The following LRTM3 variants were observed in gnomAD, a reference collection of about 807,000 sequenced individuals.
The protein encoded by LRTM3 is leucine rich repeat transmembrane protein 3, also known as leucine-rich repeat transmembrane protein 3.
chr13:102,752,294 A>G, the LRTM3 span, among the ~76,000 whole-genome samples: 1 of 152,152 alleles, frequency 6.6e-6, no homozygotes, highest in Non-Finnish European at 1.5e-5. Flanking sequence ...CTCCTTTCAT[A>G]AATATTCATG....
At chr13:102,749,826 T>C in the LRTM3 span, 1 of 1,551,374 alleles carries the variant, frequency 6.4e-7, no homozygotes, top group Admixed American at 2.0e-5. Context: ...TGGACAGAAA[T>C]AACCATTCCA....
the LRTM3 span, chr13:102,730,781 T>C: frequency 3.9e-6 from 6 of 1,551,598 alleles, no homozygotes; most frequent in Non-Finnish European, 5.2e-6. Context: ...GGGAAGTACA[T>C]TTGGCTTAGG....
At chr13:102,734,832 C>A in the LRTM3 span, 1 of 1,551,014 alleles carries the variant, frequency 6.4e-7, no homozygotes, top group Non-Finnish European at 8.7e-7. Context: ...TGCACCTTCT[C>A]TTCCTGATGT....
chr13:102,731,958 C>T, the LRTM3 span: 1 of 1,551,220 alleles, frequency 6.4e-7, no homozygotes, highest in Non-Finnish European at 8.7e-7. Context: ...TGCTCTGGAA[C>T]AATCCGTTCT....
chr13:102,750,527 T>C, the LRTM3 span: 4 of 565,736 alleles, frequency 7.1e-6, no homozygotes, highest in African/African-American at 7.5e-5. Flanking sequence ...TTATCCATAT[T>C]ACAAAACAAT....
the LRTM3 span, among the ~76,000 whole-genome samples, chr13:102,755,872 A>T: frequency 7.4e-3 from 942 of 128,084 alleles, 17 homozygotes; most frequent in African/African-American, 0.027. Context: ...TCCCAAAAAA[A>T]GTTTATATAT....
chr13:102,744,184 A>G, the LRTM3 span: 294 of 1,550,592 alleles, frequency 1.9e-4, 1 homozygote, highest in South Asian at 2.9e-3. Context: ...ATCTTATGAT[A>G]TTAAACAACT....
the LRTM3 span, chr13:102,733,131 G>C: frequency 6.4e-7 from 1 of 1,551,334 alleles, no homozygotes; most frequent in Non-Finnish European, 8.7e-7. Flanking sequence ...CTTTGAAGGG[G>C]AAACTTAGAA....
chr13:102,739,487 T>C, the LRTM3 span: 1 of 1,550,614 alleles, frequency 6.4e-7, no homozygotes, highest in Non-Finnish European at 8.7e-7. Context: ...TGTTCTTGAA[T>C]TTGAATTACT....
the LRTM3 span, chr13:102,734,846 G>C: frequency 6.4e-7 from 1 of 1,550,978 alleles, no homozygotes; most frequent in Non-Finnish European, 8.7e-7. Context: ...CTGATGTTTG[G>C]GGAATATTAA....
the LRTM3 span, chr13:102,737,722 T>G: frequency 1.3e-6 from 2 of 1,550,824 alleles, no homozygotes; most frequent in Non-Finnish European, 1.7e-6. Flanking sequence ...GTACTTCACT[T>G]GCGCTATCAC....
chr13:102,740,025 C>T, the LRTM3 span: 1 of 1,550,250 alleles, frequency 6.5e-7, no homozygotes, highest in Non-Finnish European at 8.7e-7. Flanking sequence ...TCTACGCTAT[C>T]CTTCTGTCCT....
At chr13:102,731,798 C>T in the LRTM3 span, 1 of 1,550,558 alleles carries the variant, frequency 6.4e-7, no homozygotes, top group East Asian at 2.4e-5. Flanking sequence ...GGTCATGTCC[C>T]ATACTGGTTC....
the LRTM3 span, chr13:102,738,220 T>C: frequency 1.9e-6 from 3 of 1,550,900 alleles, no homozygotes; most frequent in South Asian, 1.2e-5. Context: ...ATATTTTTAC[T>C]TCATCGTCTT....
At chr13:102,741,907 G>A in the LRTM3 span, 1 of 1,550,264 alleles carries the variant, frequency 6.5e-7, no homozygotes, top group Non-Finnish European at 8.7e-7. Context: ...TATAGTATTG[G>A]GATATGTCTT....
the LRTM3 span, chr13:102,746,222 A>G: frequency 3.2e-6 from 5 of 1,550,556 alleles, no homozygotes; most frequent in Non-Finnish European, 4.4e-6. Flanking sequence ...TTCAAGATGG[A>G]TTTCCTTCAT....
chr13:102,740,279 G>A, the LRTM3 span: 39 of 1,549,944 alleles, frequency 2.5e-5, no homozygotes, highest in Non-Finnish European at 3.2e-5. Flanking sequence ...AGGCAGCATT[G>A]AATCTTGTTT....
the LRTM3 span, chr13:102,748,158 T>C: frequency 3.2e-6 from 5 of 1,551,098 alleles, no homozygotes; most frequent in East Asian, 2.4e-5. Context: ...GAAATGGTAG[T>C]GTAAGTGGCA....
chr13:102,740,793 T>C, the LRTM3 span: 2 of 1,549,328 alleles, frequency 1.3e-6, no homozygotes, highest in Non-Finnish European at 8.7e-7. Flanking sequence ...ATTCCTTTTG[T>C]ATTTGAAGTG....
Sources: gnomAD v4.1 joint callset for allele counts (sites outside exome capture counted in the v4.1 genomes callset) on GRCh38, gnomAD v4.1.1 for gene constraint, MANE v1.5 for transcripts, NCBI Gene and HGNC (gene_info 2026-07-23, HGNC 2026-07-21) for gene names.